The following MNS1 variants were observed in gnomAD, a reference collection of about 807,000 sequenced individuals.
The protein encoded by MNS1 is meiosis specific nuclear structural 1, also known as meiosis-specific nuclear structural protein 1.
In MNS1, 63 loss-of-function variants were observed where a neutral mutation model predicts 72.0. That is an observed-to-expected ratio of 0.87 (90% CI 0.71 to 1.08). MNS1 has a LOEUF of 1.08. Ranked by LOEUF, MNS1 falls within the 50% of genes least tolerant of loss-of-function variation. MNS1 has a pLI of 0.00. For synonymous variants in MNS1, 188 were observed against 172.1 expected (o/e 1.09, Z -0.72); for missense variants, 604 against 562.4 (o/e 1.07, Z -0.75).
chr15:56,460,010 ATACATATATAT>A lies in MNS1; in HGVS notation c.226-3500_226-3490del, dbSNP rs1259371470. The stretch of plus-strand genomic sequence containing the variant: ...TGTCTCAAAAAAAAAAAAAAAAAAA[ATACATATATAT>A]ATATATATATATATGTGACTATAGT... On this transcript the variant is annotated intron_variant, in intron 2 of 9. Transcript: ENST00000260453. 7.3e-5 allele frequency among the ~76,000 whole-genome samples: 2 copies of A among 27,456 alleles called. 1 individual carries two copies. The highest frequency in any genetic ancestry group is 1.4e-4 in the Non-Finnish European group (2 of 13,836). 18.0% of individuals were successfully genotyped at this position (27,456 alleles called of 152,430 possible).
intron 2 of MNS1, among the ~76,000 whole-genome samples, chr15:56,460,009 A>AAACATAT: frequency 3.8e-5 from 1 of 26,406 alleles, no homozygotes; most frequent in Non-Finnish European, 7.0e-5. Context: ...AAAAAAAAAA[A>AAACATAT]ATACATATAT....
intron 2 of MNS1, 29 bp downstream of exon 2, chr15:56,463,997 A>C: frequency 5.1e-6 from 8 of 1,564,848 alleles, no homozygotes; most frequent in South Asian, 1.2e-5. Flanking sequence ...AAAATGAAAA[A>C]AAAAGTAACA....
chr15:56,451,241 A>G (rs1361472259), intron 3 of MNS1, among the ~76,000 whole-genome samples: 3 of 152,204 alleles, frequency 2.0e-5, no homozygotes, highest in Non-Finnish European at 4.4e-5. Context: ...GAACAGATAT[A>G]CCCAACAATT....
intron 4 of MNS1, 93 bp downstream of exon 4, chr15:56,446,748 A>G: frequency 1.1e-6 from 1 of 898,662 alleles, no homozygotes; most frequent in Admixed American, 2.5e-5. Flanking sequence ...AGCAGTGTAA[A>G]TTCTTTATAC....
chr15:56,444,766 C>CAATAT, intron 4 of MNS1, 93 bp from the exon 5 acceptor site: 1 of 1,104,360 alleles, frequency 9.1e-7, no homozygotes, highest in South Asian at 1.5e-5. Context: ...ATTATAAAGT[C>CAATAT]TTTTACATAA....
At chr15:56,451,982 C>A (rs996646272) in intron 3 of MNS1, among the ~76,000 whole-genome samples, 1 of 152,194 alleles carries the variant, frequency 6.6e-6, no homozygotes, top group African/African-American at 2.4e-5. Flanking sequence ...TATTCTGATA[C>A]AACATTTCAT....
chr15:56,441,902 C>G (rs1596260408), intron 7 of MNS1, among the ~76,000 whole-genome samples: 1 of 152,022 alleles, frequency 6.6e-6, no homozygotes, highest in Non-Finnish European at 1.5e-5. Flanking sequence ...TGCCTGTAGT[C>G]CCAGCTACTT....
At chr15:56,461,930 A>G (rs1021361900) in intron 2 of MNS1, among the ~76,000 whole-genome samples, 2 of 150,260 alleles carry the variant, frequency 1.3e-5, no homozygotes, top group African/African-American at 2.4e-5. Context: ...CTTTTTCAGT[A>G]AGAATAAATA....
chr15:56,444,712 T>A, intron 4 of MNS1, 39 bp from the exon 5 acceptor site: 5 of 1,481,440 alleles, frequency 3.4e-6, no homozygotes, highest in Non-Finnish European at 4.7e-6. Context: ...GTTTTCAAAT[T>A]TGAACATAGT....
chr15:56,452,878 A>G (rs1751541781), intron 3 of MNS1, among the ~76,000 whole-genome samples: 1 of 152,178 alleles, frequency 6.6e-6, no homozygotes, highest in African/African-American at 2.4e-5. Context: ...TAAGGTGGTA[A>G]GAACCTTCTC....
intron 5 of MNS1, among the ~76,000 whole-genome samples, chr15:56,444,102 A>G (rs1222208843): frequency 1.3e-5 from 2 of 152,064 alleles, no homozygotes; most frequent in African/African-American, 4.8e-5. Context: ...AAAGGCTACA[A>G]TCTGTTAACA....
Position 56,460,009 on chromosome 15 carries a change from A to AAAAAAAAAATATATATATAT in MNS1, c.226-3489_226-3488insATATATATATATTTTTTTTT. Reference sequence around the variant, plus strand: ...CTGTCTCAAAAAAAAAAAAAAAAAAAATACATATATATATATATATATATA... The same window carrying AAAAAAAAAATATATATATAT: ...CTGTCTCAAAAAAAAAAAAAAAAAAAAAAAAAAAATATATATATATATACATATATATATATATATATATA... On this transcript the variant is annotated intron_variant, in intron 2 of 9. Coordinates refer to ENST00000260453, the MANE Select transcript of MNS1 (RefSeq NM_018365.4). Among the ~76,000 whole-genome samples the AAAAAAAAAATATATATATAT allele has an allele frequency of 2.7e-4, 7 of 26,372 alleles. 1 individual carries two copies. Among genetic ancestry groups the AAAAAAAAAATATATATATAT allele is most frequent in the Non-Finnish European group, 4.2e-4 (6 of 14,298 alleles). 17.3% of individuals were successfully genotyped at this position (26,372 alleles called of 152,430 possible).
At chr15:56,431,117 G>A (rs2050580417) in intron 9 of MNS1, among the ~76,000 whole-genome samples, 1 of 152,178 alleles carries the variant, frequency 6.6e-6, no homozygotes, top group South Asian at 2.1e-4. Context: ...TCTTGCCACT[G>A]CACTCCAGCC....
chr15:56,429,240 T>G (rs756548663), intron 9 of MNS1, 47 bp from the exon 10 acceptor site: 1 of 1,233,202 alleles, frequency 8.1e-7, no homozygotes, highest in Non-Finnish European at 1.2e-6. Flanking sequence ...CCAGAATATT[T>G]CACTAAATGC....
At chr15:56,456,635 G>T in intron 2 of MNS1, 114 bp from the exon 3 acceptor site, 4 of 1,021,506 alleles carry the variant, frequency 3.9e-6, no homozygotes, top group South Asian at 1.6e-5. Context: ...AATTGATGAT[G>T]TTTTATTTTA....
chr15:56,434,579 C>A (rs56214046), intron 7 of MNS1, among the ~76,000 whole-genome samples, 184 bp from the exon 8 acceptor site: 3,589 of 152,186 alleles, frequency 0.024, 151 homozygotes, highest in African/African-American at 0.083. Flanking sequence ...AATATGCTTA[C>A]ATTTGGATTG....
At position 56,443,459 on chromosome 15, in the gene MNS1, G is replaced by T. The variant is rs371027660; in HGVS notation, c.982C>A (p.Gln328Lys). ...QVRQELYQEE[Q>K]AEIYKSKLKE... ...AGCTTGCTCTTATATATTTCAGCTT[G>T]TTCTTCCTGGTATAATTCTTGTCGC... The change falls in exon 7 of 10, where the codon CAA becomes AAA. Residue 328 changes from glutamine to lysine, a missense_variant. Coordinates refer to ENST00000260453, the MANE Select transcript of MNS1 (RefSeq NM_018365.4). The T allele has an allele frequency of 6.3e-7, 1 of 1,591,276 alleles. No individual in the cohort carries two copies. Among genetic ancestry groups the T allele is most frequent in the Non-Finnish European group, 8.5e-7 (1 of 1,173,524 alleles).
intron 3 of MNS1, among the ~76,000 whole-genome samples, chr15:56,453,043 T>C (rs1438145800): frequency 1.3e-5 from 2 of 152,220 alleles, no homozygotes; most frequent in African/African-American, 4.8e-5. Flanking sequence ...GTCAGTTATA[T>C]TTTCTTTTCC....
At chr15:56,441,977 G>A (rs1268776983) in intron 7 of MNS1, among the ~76,000 whole-genome samples, 3 of 151,846 alleles carry the variant, frequency 2.0e-5, no homozygotes, top group South Asian at 2.1e-4. Context: ...CCGAGATCAC[G>A]CCACTGCACT....
Sources: allele counts gnomAD v4.1 joint callset (sites outside exome capture counted in the v4.1 genomes callset), GRCh38; gene constraint gnomAD v4.1.1; transcripts MANE v1.5; gene names NCBI Gene and HGNC (gene_info 2026-07-23, HGNC 2026-07-21).